The following USP14 variants were observed in gnomAD, a reference collection of about 807,000 sequenced individuals.
USP14 encodes ubiquitin specific peptidase 14, also known as ubiquitin carboxyl-terminal hydrolase 14.
A neutral mutation model predicts 76.5 loss-of-function variants in USP14; 38 were observed. The observed-to-expected ratio is 0.50, with a 90% CI of 0.38 to 0.65. The LOEUF (loss-of-function observed/expected upper bound fraction) is 0.65, where lower values mean the gene tolerates loss of function less well. USP14 is among the 30% of genes least tolerant of loss of function. The probability of loss-of-function intolerance (pLI) is 0.00; values close to 1 mark genes in which losing one functional copy is unlikely to be tolerated. For missense variants in USP14, 467 were observed against 586.5 expected, an observed-to-expected ratio of 0.80 and a Z score of 2.10; for synonymous variants, 192 against 191.7, an observed-to-expected ratio of 1.00 and a Z score of -0.01.
Position 202,621 on chromosome 18 carries a change from TA to T in USP14, c.877-253del, listed in dbSNP as rs3835313. ...ATCTAAGCATCATTTGGGGCATAGC[TA>T]AAAAAGAGCAAACAGTATTTACACT... On this transcript the variant is annotated intron_variant, in intron 10 of 15. Transcript: ENST00000261601. Among the ~76,000 whole-genome samples, 29 of 152,242 alleles carry T rather than the reference TA, an allele frequency of 1.9e-4. No homozygotes were observed. In the East Asian group the frequency reaches 5.6e-3, roughly 29 times the overall value.
chr18:197,523 A>T, intron 7 of USP14, 93 bp from the exon 8 acceptor site: 3 of 967,996 alleles, frequency 3.1e-6, no homozygotes, highest in Non-Finnish European at 4.7e-6. Flanking sequence ...GAAGGAAACC[A>T]CTTTCTTGCC....
chr18:200,524 C>A (rs891816933), intron 10 of USP14, among the ~76,000 whole-genome samples: 2 of 152,182 alleles, frequency 1.3e-5, no homozygotes, highest in Admixed American at 1.3e-4. Flanking sequence ...CTAGAACTTG[C>A]TTCTTTCATT....
chr18:184,903 G>A (rs1227069577), intron 5 of USP14, among the ~76,000 whole-genome samples: 1 of 152,146 alleles, frequency 6.6e-6, no homozygotes, highest in African/African-American at 2.4e-5. Flanking sequence ...GTGAAAATAA[G>A]GTTTGAAATG....
In USP14 at chr18:213,895, G is replaced by C. The variant is rs1910751833; in HGVS notation, c.*2611G>C. ...AGGTCAGGCAATTTTTGTAAGGCTA[G>C]AAGGAAAAGTGAGGTTTTAGACTTC... On this transcript the variant is annotated 3_prime_UTR_variant, in exon 16 of 16. Transcript: ENST00000261601. The C allele has an allele frequency of 6.6e-6, 1 of 152,222 alleles. No individual in the cohort carries two copies. The highest frequency in any genetic ancestry group is 1.5e-5 in the Non-Finnish European group (1 of 68,074). The allele number at this position is 152,222 out of a possible 1,614,324, so 9.4% of individuals were successfully genotyped here.
intron 1 of USP14, among the ~76,000 whole-genome samples, chr18:160,916 GTATTT>G (rs749763559): frequency 3.3e-5 from 5 of 151,928 alleles, no homozygotes; most frequent in Non-Finnish European, 4.4e-5. Context: ...AAGCCTTTAC[GTATTT>G]TATTTTATTT....
intron 5 of USP14, among the ~76,000 whole-genome samples, chr18:191,535 T>C (rs1910087691): frequency 1.3e-5 from 2 of 152,226 alleles, no homozygotes; most frequent in Admixed American, 6.5e-5. Flanking sequence ...AGAACATTTC[T>C]ATCATCTCAG....
At chr18:189,333 G>T (rs2143041070) in intron 5 of USP14, among the ~76,000 whole-genome samples, 1 of 152,170 alleles carries the variant, frequency 6.6e-6, no homozygotes, top group South Asian at 2.1e-4. Flanking sequence ...AGTTTCATAT[G>T]TGGATTGTTT....
intron 15 of USP14, 128 bp downstream of exon 15, chr18:210,621 C>T: frequency 1.8e-6 from 1 of 551,922 alleles, no homozygotes; most frequent in Non-Finnish European, 3.0e-6. Context: ...CCCCAAAGAG[C>T]TTTGGTTTAT....
intron 12 of USP14, 146 bp downstream of exon 12, chr18:203,336 C>A: frequency 2.7e-6 from 2 of 747,172 alleles, no homozygotes; most frequent in Non-Finnish European, 2.2e-6. Context: ...TGATTCTTAA[C>A]TCAGAACGTA....
At chr18:173,707 G>A (rs1909542669) in intron 3 of USP14, among the ~76,000 whole-genome samples, 1 of 152,208 alleles carries the variant, frequency 6.6e-6, no homozygotes, top group Admixed American at 6.5e-5. Flanking sequence ...ACAGGTGTGA[G>A]CCACCGCACC....
chr18:166,074 T>G (rs1000179329), intron 2 of USP14, among the ~76,000 whole-genome samples: 3 of 152,258 alleles, frequency 2.0e-5, no homozygotes, highest in African/African-American at 7.2e-5. Flanking sequence ...AGATGCGTTA[T>G]AGACATTAAC....
intron 13 of USP14, among the ~76,000 whole-genome samples, chr18:205,884 T>TC (rs1385401012): frequency 6.6e-6 from 1 of 152,206 alleles, no homozygotes; most frequent in Non-Finnish European, 1.5e-5. Flanking sequence ...GTTGTGCATA[T>TC]CAGTTGCTCC....
chr18:163,280 A>T, intron 1 of USP14, 28 bp from the exon 2 acceptor site: 1 of 1,562,130 alleles, frequency 6.4e-7, no homozygotes, highest in Non-Finnish European at 8.7e-7. Flanking sequence ...TTATTTTTTA[A>T]TTAAAAAAAT....
At chr18:173,296 A>G (rs1909523353) in intron 3 of USP14, among the ~76,000 whole-genome samples, 2 of 150,738 alleles carry the variant, frequency 1.3e-5, no homozygotes, top group African/African-American at 4.9e-5. Flanking sequence ...TTTTTTTAGT[A>G]GAGACGGGGT....
At chr18:188,787 C>G (rs963583091) in intron 5 of USP14, among the ~76,000 whole-genome samples, 3 of 152,072 alleles carry the variant, frequency 2.0e-5, no homozygotes, top group Admixed American at 2.0e-4. Flanking sequence ...GAGCGATTCT[C>G]CTGCCTCAGC....
intron 5 of USP14, among the ~76,000 whole-genome samples, chr18:186,224 G>A (rs796071111): frequency 1.3e-5 from 2 of 152,298 alleles, no homozygotes; most frequent in African/African-American, 2.4e-5. Context: ...TGCTTTGGGA[G>A]GCTGAATCTA....
Position 158,711 on chromosome 18 carries a change from T to C in USP14, c.13T>C (p.Ser5Pro). Reference sequence around the variant, plus strand: ...GCCGCGCCCCGCCATGCCGCTCTACTCCGGTGAGCCCTGTCCTGGCCTCGC... The same window carrying C: ...GCCGCGCCCCGCCATGCCGCTCTACCCCGGTGAGCCCTGTCCTGGCCTCGC... MPLYSVTVKWGKEKF... is the reference protein window; with the variant it reads MPLYPVTVKWGKEKF... Residue 5 changes from serine (S) to proline (P), a missense_variant, in exon 1 of 16, where the codon TCC becomes CCC. Physicochemically the swap from Ser to Pro is moderately conservative, Grantham distance 74. Transcript: ENST00000261601. 1 of 1,535,182 alleles carries C rather than the reference T, an allele frequency of 6.5e-7. No homozygotes were observed.
intron 7 of USP14, 144 bp downstream of exon 7, chr18:196,911 A>G (rs1910253262): frequency 9.9e-7 from 1 of 1,014,022 alleles, no homozygotes; most frequent in Non-Finnish European, 1.4e-6. Flanking sequence ...GGAGCCGCAC[A>G]GTAGTCTTAA....
Position 213,983 on chromosome 18 carries a change from A to ATAGAT in USP14, c.*2700_*2704dup, listed in dbSNP as rs1439258918. 3 of 150,610 alleles carry ATAGAT rather than the reference A, an allele frequency of 2.0e-5. No individual in the cohort carries two copies. The highest frequency in any genetic ancestry group is 4.4e-5 in the Non-Finnish European group (3 of 67,660). The allele number at this position is 150,610 out of a possible 1,614,324, so 9.3% of individuals were successfully genotyped here. ...TGGACAAGATAGATAGATTAGATAG[A>ATAGAT]TAGATAGATAGATAGATGATGATTG... is the stretch of plus-strand genomic sequence containing the variant. On this transcript the variant is annotated 3_prime_UTR_variant, in exon 16 of 16. Transcript: ENST00000261601.
Sources: allele counts gnomAD v4.1 joint callset (sites outside exome capture counted in the v4.1 genomes callset), GRCh38; gene constraint gnomAD v4.1.1; transcripts MANE v1.5; gene names NCBI Gene and HGNC (gene_info 2026-07-23, HGNC 2026-07-21).